Variants in NRG3 observed in about 807,000 individuals in gnomAD.
NRG3 encodes pro-neuregulin-3, membrane-bound isoform.
Under a neutral mutation model 66.9 loss-of-function variants are expected in NRG3, and 31 were observed. The observed-to-expected ratio is 0.46, with a 90% CI of 0.35 to 0.63. NRG3 has a LOEUF of 0.63. Ranked by LOEUF, NRG3 falls within the 20% of genes least tolerant of loss-of-function variation. The pLI, the probability that NRG3 is intolerant of heterozygous loss-of-function variation, is 0.00. For missense variants in NRG3, 910 were observed against 878.9 expected (o/e 1.04, Z -0.45); for synonymous variants, 393 against 359.4 (o/e 1.09, Z -1.06).
chr10:82,600,219 A>T (rs932840621), intron 2 of NRG3, among the ~76,000 whole-genome samples: 2 of 152,164 alleles, frequency 1.3e-5, no homozygotes, highest in African/African-American at 4.8e-5. Context: ...GGGGAAATGA[A>T]CACAGCTAGA....
At chr10:82,679,393 A>G (rs1252513123) in intron 2 of NRG3, among the ~76,000 whole-genome samples, 1 of 152,240 alleles carries the variant, frequency 6.6e-6, no homozygotes, top group African/African-American at 2.4e-5. Flanking sequence ...AAAATCTTGC[A>G]TTTACAAAAT....
At chr10:82,546,478 T>G (rs1222392490) in intron 2 of NRG3, among the ~76,000 whole-genome samples, 1 of 152,174 alleles carries the variant, frequency 6.6e-6, no homozygotes, top group Admixed American at 6.5e-5. Context: ...CTCCAACCAT[T>G]GCCTTCTTTA....
At chr10:82,103,099 T>C (rs978834400) in intron 1 of NRG3, among the ~76,000 whole-genome samples, 2 of 152,168 alleles carry the variant, frequency 1.3e-5, no homozygotes, top group Non-Finnish European at 2.9e-5. Context: ...TTAAAGAATA[T>C]TTTTATTGGG....
At chr10:82,669,883 G>T (rs962580010) in intron 2 of NRG3, among the ~76,000 whole-genome samples, 2 of 150,410 alleles carry the variant, frequency 1.3e-5, no homozygotes, top group Non-Finnish European at 1.5e-5. Context: ...AGCCGAGATC[G>T]CACCACTGCA....
intron 1 of NRG3, among the ~76,000 whole-genome samples, chr10:82,086,308 T>G (rs922927214): frequency 2.0e-5 from 3 of 152,134 alleles, no homozygotes; most frequent in Admixed American, 1.3e-4. Context: ...ACAGAAAACT[T>G]CAAGGATTCT....
chr10:82,460,257 C>A (rs1044774005), intron 2 of NRG3, among the ~76,000 whole-genome samples: 1 of 152,250 alleles, frequency 6.6e-6, no homozygotes, highest in Middle Eastern at 3.4e-3. Flanking sequence ...AAGGGTTGTG[C>A]GGCTAAGGCT....
chr10:82,182,861 A>G (rs555532584), intron 1 of NRG3, among the ~76,000 whole-genome samples: 14 of 152,114 alleles, frequency 9.2e-5, no homozygotes, highest in Admixed American at 7.2e-4. Flanking sequence ...GAGAAAGTAC[A>G]TACCTTCATT....
intron 3 of NRG3, among the ~76,000 whole-genome samples, chr10:82,772,566 G>A (rs1017051982): frequency 6.6e-6 from 1 of 151,240 alleles, no homozygotes; most frequent in South Asian, 2.1e-4. Context: ...ACATATAATT[G>A]AGATCATGCA....
intron 2 of NRG3, among the ~76,000 whole-genome samples, chr10:82,528,176 G>A (rs988326383): frequency 2.0e-5 from 3 of 152,140 alleles, no homozygotes; most frequent in Admixed American, 2.0e-4. Context: ...AACAACTATT[G>A]TTGGATCAGT....
chr10:82,632,523 A>C (rs982261759), intron 2 of NRG3, among the ~76,000 whole-genome samples: 1 of 152,104 alleles, frequency 6.6e-6, no homozygotes, highest in Non-Finnish European at 1.5e-5. Flanking sequence ...GGGACTTTCT[A>C]TGAACTTTTC....
chr10:82,098,508 C>T (rs1045975207), intron 1 of NRG3, among the ~76,000 whole-genome samples: 1 of 152,114 alleles, frequency 6.6e-6, no homozygotes, highest in Non-Finnish European at 1.5e-5. Flanking sequence ...TCTCCACATA[C>T]AATCTGTGTT....
At chr10:82,135,161 T>C (rs556890043) in intron 1 of NRG3, among the ~76,000 whole-genome samples, 1 of 152,196 alleles carries the variant, frequency 6.6e-6, no homozygotes, top group African/African-American at 2.4e-5. Flanking sequence ...TTAAAAATTT[T>C]AATATCTTTC....
At chr10:82,664,067 A>G (rs1264040326) in intron 2 of NRG3, among the ~76,000 whole-genome samples, 2 of 152,158 alleles carry the variant, frequency 1.3e-5, no homozygotes, top group Admixed American at 6.5e-5. Context: ...CCAGGCTTAC[A>G]GTTTGATATT....
intron 2 of NRG3, among the ~76,000 whole-genome samples, chr10:82,435,779 C>CTTTTTTTTTTTTTTTTT (rs1158502018): frequency 9.2e-6 from 1 of 108,272 alleles, no homozygotes; most frequent in Non-Finnish European, 1.9e-5. Flanking sequence ...CTTTTCTTTT[C>CTTTTTTTTTTTTTTTTT]TTTTTTTTTT....
chr10:81,996,596 G>C (rs2060948684), intron 1 of NRG3, among the ~76,000 whole-genome samples: 1 of 152,058 alleles, frequency 6.6e-6, no homozygotes, highest in African/African-American at 2.4e-5. Flanking sequence ...AAATGAGAGA[G>C]TGCTTTCTGC....
At chr10:82,129,749 C>T (rs1369667552) in intron 1 of NRG3, among the ~76,000 whole-genome samples, 2 of 151,912 alleles carry the variant, frequency 1.3e-5, no homozygotes, top group African/African-American at 4.8e-5. Context: ...TTAGTAGAGA[C>T]GGGATTTCAT....
chr10:82,688,153 T>C (rs1186961879), intron 2 of NRG3, among the ~76,000 whole-genome samples: 4 of 152,234 alleles, frequency 2.6e-5, no homozygotes, highest in African/African-American at 4.8e-5. Context: ...TCATTGTTTG[T>C]ATCATTCCTC....
In NRG3 at chr10:82,282,699, T is replaced by C. The variant is rs77026984; in HGVS notation, c.824-76040T>C. The stretch of plus-strand genomic sequence containing the variant: ...TGCAAATTAGCGACAAAGGTATGTA[T>C]GCATCCTCACTGTTAGGAACGAGGG... On this transcript the variant is annotated intron_variant, in intron 1 of 8. Transcript: ENST00000372141. 5.0e-3 allele frequency among the ~76,000 whole-genome samples: 756 copies of C among 151,654 alleles called. 4 individuals carry two copies. Among genetic ancestry groups the C allele is most frequent in the African/African-American group, 0.017 (705 of 40,996 alleles).
intron 1 of NRG3, among the ~76,000 whole-genome samples, chr10:82,142,552 G>C (rs1040681641): frequency 2.6e-5 from 4 of 152,056 alleles, no homozygotes; most frequent in African/African-American, 7.2e-5. Context: ...GTGGGGTATC[G>C]AGAAGCAGGG....
Sources: gnomAD v4.1 joint callset for allele counts (sites outside exome capture counted in the v4.1 genomes callset) on GRCh38, gnomAD v4.1.1 for gene constraint, MANE v1.5 for transcripts, NCBI Gene and HGNC (gene_info 2026-07-23, HGNC 2026-07-21) for gene names.